The following NUDC variants were observed in gnomAD, a reference collection of about 807,000 sequenced individuals.
NUDC encodes the protein nuclear distribution C, dynein complex regulator.
NUDC carries 14 observed loss-of-function variants against 45.0 expected under a neutral mutation model. That is an observed-to-expected ratio of 0.31 (90% CI 0.21 to 0.49). The LOEUF (loss-of-function observed/expected upper bound fraction) is 0.49, where lower values mean the gene tolerates loss of function less well. NUDC is among the 20% of genes least tolerant of loss of function. NUDC has a pLI of 0.99. For missense variants in NUDC, 323 were observed against 426.2 expected (o/e 0.76, Z 2.13); for synonymous variants, 153 against 156.7 (o/e 0.98, Z 0.17).
At chr1:26,939,771 TC>T (rs1210634532) in intron 2 of NUDC, among the ~76,000 whole-genome samples, 1 of 152,180 alleles carries the variant, frequency 6.6e-6, no homozygotes, top group African/African-American at 2.4e-5. Context: ...GAATTTCTGA[TC>T]CAGTAGATCT....
chr1:26,935,529 AAAT>A lies in NUDC; in HGVS notation c.160-5927_160-5925del, dbSNP rs574010368. Among the ~76,000 whole-genome samples the A allele has an allele frequency of 1.0e-3, 156 of 152,088 alleles. 1 individual carries two copies. Among genetic ancestry groups the A allele is most frequent in the African/African-American group, 3.5e-3 (145 of 41,484 alleles). The stretch of plus-strand genomic sequence containing the variant: ...GGCAAAGGCGGAAAAGCCCCTTGTA[AAAT>A]CATCAGATCTCATGATAACTCACTA... On this transcript the variant is annotated intron_variant, in intron 2 of 8. Coordinates refer to ENST00000321265, the MANE Select transcript of NUDC (RefSeq NM_006600.4).
rs1043142684 is a variant in NUDC, at chr1:26,921,848, G to T, written c.-1G>T. 2.6e-6 allele frequency: 4 copies of T among 1,552,320 alleles called. No homozygotes were observed. The African/African-American group carries it at 4.1e-5, about 16-fold the overall frequency. On this transcript the variant is annotated 5_prime_UTR_variant, in exon 1 of 9. Transcript: ENST00000321265. ...CCGGGACGTGGATCGGAGCCGGCGC[G>T]ATGGGCGGAGAGCAGGAGGAGGAGC...
chr1:26,942,548 T>G, intron 4 of NUDC, 112 bp from the exon 5 acceptor site: 1 of 1,496,040 alleles, frequency 6.7e-7, no homozygotes, highest in Non-Finnish European at 9.3e-7. Context: ...GGACCAGGTC[T>G]GTTTTCTTTT....
intron 2 of NUDC, among the ~76,000 whole-genome samples, chr1:26,934,771 T>A (rs1298271902): frequency 6.6e-6 from 1 of 151,072 alleles, no homozygotes; most frequent in Non-Finnish European, 1.5e-5. Flanking sequence ...GCCATTCTCC[T>A]GCCTCAGCCT....
chr1:26,923,314 C>G (rs1379027135), intron 1 of NUDC, among the ~76,000 whole-genome samples: 1 of 152,154 alleles, frequency 6.6e-6, no homozygotes, highest in Non-Finnish European at 1.5e-5. Flanking sequence ...TCCTGTTGTA[C>G]AGAGTTAAGA....
At chr1:26,929,091 G>T (rs1187618574) in intron 2 of NUDC, among the ~76,000 whole-genome samples, 1 of 152,170 alleles carries the variant, frequency 6.6e-6, no homozygotes, top group Non-Finnish European at 1.5e-5. Context: ...AAAAGGGAAA[G>T]AAATCCTGTC....
At chr1:26,940,592 G>A (rs999600410) in intron 2 of NUDC, among the ~76,000 whole-genome samples, 1 of 152,248 alleles carries the variant, frequency 6.6e-6, no homozygotes, top group African/African-American at 2.4e-5. Flanking sequence ...TGCACTAAGA[G>A]TAAGAGTGAT....
chr1:26,943,894 C>G (rs2082298558), intron 6 of NUDC, among the ~76,000 whole-genome samples: 1 of 152,118 alleles, frequency 6.6e-6, no homozygotes, highest in South Asian at 2.1e-4. Flanking sequence ...CTCACCCCTC[C>G]ATGCCTCTGC....
intron 2 of NUDC, among the ~76,000 whole-genome samples, chr1:26,935,335 G>A (rs1381448542): frequency 6.6e-6 from 1 of 152,088 alleles, no homozygotes; most frequent in Non-Finnish European, 1.5e-5. Context: ...CTTCATAGCA[G>A]CATGAGAACA....
chr1:26,927,042 C>CA (rs2082138332), intron 2 of NUDC, among the ~76,000 whole-genome samples: 1 of 151,952 alleles, frequency 6.6e-6, no homozygotes, highest in African/African-American at 2.4e-5. Flanking sequence ...ATAAAAAAAA[C>CA]AAGCAGTGAA....
At chr1:26,926,420 A>C (rs1225034264) in intron 2 of NUDC, among the ~76,000 whole-genome samples, 4 of 152,084 alleles carry the variant, frequency 2.6e-5, no homozygotes, top group Admixed American at 1.3e-4. Flanking sequence ...TTCCATCTTT[A>C]CATCTGTAAA....
intron 2 of NUDC, among the ~76,000 whole-genome samples, chr1:26,932,839 G>A (rs951200621): frequency 3.3e-5 from 5 of 152,148 alleles, no homozygotes; most frequent in Non-Finnish European, 7.3e-5. Flanking sequence ...CATACAATAT[G>A]TATGTCTTTG....
chr1:26,900,380 G>A (rs2081970904), exon 1 of NUDC: 3 of 1,613,986 alleles, frequency 1.9e-6, no homozygotes, highest in Non-Finnish European at 1.7e-6. Context: ...GCAACACGGA[G>A]GGGATACCGC....
intron 3 of NUDC, 42 bp downstream of exon 3, chr1:26,941,702 T>C: frequency 1.2e-6 from 2 of 1,613,104 alleles, no homozygotes; most frequent in South Asian, 2.2e-5. Flanking sequence ...AGATCCCCCC[T>C]GGCACTGAGC....
intron 2 of NUDC, among the ~76,000 whole-genome samples, chr1:26,939,777 A>T (rs2082262700): frequency 1.3e-5 from 2 of 152,218 alleles, no homozygotes; most frequent in Non-Finnish European, 2.9e-5. Context: ...CTGATCCAGT[A>T]GATCTGGAGT....
rs374938464 is a variant in NUDC at position 26,900,546 on chromosome 1, T to G, written c.-101+146T>G. 9.1e-5 allele frequency: 85 copies of G among 932,362 alleles called. No homozygotes were observed. The East Asian group carries it at 2.0e-3, about 22-fold the overall frequency. 57.8% of individuals were successfully genotyped at this position (932,362 alleles called of 1,614,324 possible). A position where few individuals can be genotyped will look rare whatever the true frequency, so the allele number is the denominator to read the frequency against. ...ATTGTGAAAATTCTAACTAGTCCTT[T>G]GGGATTGGGGTTGTGGAACCTGGAG... On this transcript the variant is annotated intron_variant, in intron 1 of 6. Coordinates refer to the NUDC transcript ENST00000435827.
chr1:26,945,770 C>T lies in NUDC; in HGVS notation c.944+84C>T, dbSNP rs953675985. On this transcript the variant is annotated intron_variant, in intron 8 of 8. Transcript: ENST00000321265. ...TGACAGCAGTGAGTGGATCACTGCG[C>T]TGCCTCAGGAGCTGCCCTGCCCCCT... is the stretch of plus-strand genomic sequence containing the variant. 11 of 971,352 alleles carry T rather than the reference C, an allele frequency of 1.1e-5. No individual in the cohort carries two copies. The Admixed American group carries it at 1.9e-4, about 16-fold the overall frequency. The allele number at this position is 971,352 out of a possible 1,614,324, so 60.2% of individuals were successfully genotyped here.
At chr1:26,945,329 A>C in intron 6 of NUDC, 61 bp from the exon 7 acceptor site, 1 of 1,389,528 alleles carries the variant, frequency 7.2e-7, no homozygotes, top group Non-Finnish European at 1.0e-6. Context: ...GAAAGGGTTA[A>C]GGGGTGATTC....
intron 3 of NUDC, chr1:26,911,719 A>G: frequency 9.0e-7 from 1 of 1,108,912 alleles, no homozygotes; most frequent in South Asian, 1.3e-5. Context: ...AGCTGTTCCT[A>G]AGGAGCCAAG....
Sources: allele counts gnomAD v4.1 joint callset (sites outside exome capture counted in the v4.1 genomes callset), GRCh38; gene constraint gnomAD v4.1.1; transcripts MANE v1.5; gene names NCBI Gene and HGNC (gene_info 2026-07-23, HGNC 2026-07-21).